Variants in SLCO3A1 observed in about 807,000 individuals in gnomAD.
SLCO3A1 encodes the protein solute carrier organic anion transporter family member 3A1, also known as PGE1 transporter.
Under a neutral mutation model 63.1 loss-of-function variants are expected in SLCO3A1, and 27 were observed. The ratio of observed to expected loss-of-function variants is 0.43; its 90% CI spans 0.32 to 0.59. The LOEUF (loss-of-function observed/expected upper bound fraction) is 0.59, where lower values mean the gene tolerates loss of function less well. Ranked by LOEUF, SLCO3A1 falls within the 20% of genes least tolerant of loss-of-function variation. The pLI is 0.09. For missense variants in SLCO3A1, 773 were observed against 945.8 expected (o/e 0.82, Z 2.40); for synonymous variants, 473 against 409.9 (o/e 1.15, Z -1.86).
intron 2 of SLCO3A1, among the ~76,000 whole-genome samples, chr15:92,013,615 C>T (rs1027183292): frequency 6.6e-6 from 1 of 152,230 alleles, no homozygotes; most frequent in Non-Finnish European, 1.5e-5. Context: ...AAGAGACAAA[C>T]AGGCATTCTT....
At chr15:92,083,702 A>C (rs2047373373) in intron 2 of SLCO3A1, among the ~76,000 whole-genome samples, 2 of 152,182 alleles carry the variant, frequency 1.3e-5, no homozygotes, top group South Asian at 4.2e-4. Context: ...ACGAGAAGGG[A>C]AGATCTAAAT....
chr15:92,027,605 G>A (rs1004045208), intron 2 of SLCO3A1, among the ~76,000 whole-genome samples: 5 of 152,170 alleles, frequency 3.3e-5, no homozygotes, highest in African/African-American at 7.2e-5. Context: ...GTTTGCTCCC[G>A]ACGCATGCAT....
At chr15:92,016,254 T>TAGATAGATTAGA in intron 2 of SLCO3A1, among the ~76,000 whole-genome samples, 4,455 of 95,246 alleles carry the variant, frequency 0.047, 89 homozygotes, top group Non-Finnish European at 0.057. Context: ...GATAGATAGA[T>TAGATAGATTAGA]TAGATAGATA....
chr15:92,145,681 T>G (rs12441878), intron 7 of SLCO3A1, among the ~76,000 whole-genome samples: 11,319 of 152,202 alleles, frequency 0.074, 622 homozygotes, highest in Admixed American at 0.19. Flanking sequence ...CAGAGGTACA[T>G]GAGAAGGAAC....
intron 9 of SLCO3A1, among the ~76,000 whole-genome samples, chr15:92,152,107 G>A (rs1287005160): frequency 6.6e-6 from 1 of 152,212 alleles, no homozygotes; most frequent in Non-Finnish European, 1.5e-5. Flanking sequence ...TTTATCAGAA[G>A]AGTATCAGCT....
intron 1 of SLCO3A1, among the ~76,000 whole-genome samples, chr15:91,867,395 T>A (rs1342801666): frequency 6.6e-6 from 1 of 152,122 alleles, no homozygotes; most frequent in Non-Finnish European, 1.5e-5. Context: ...AAATATAGGG[T>A]CCTGGGCCTG....
At chr15:92,149,210 C>G (rs1378025217) in intron 8 of SLCO3A1, 2 of 152,278 alleles carry the variant, frequency 1.3e-5, no homozygotes, top group African/African-American at 4.8e-5. Flanking sequence ...ATAAACAGCT[C>G]TTGGAGCTTT....
chr15:91,891,140 G>GAA (rs72116786), intron 1 of SLCO3A1, among the ~76,000 whole-genome samples: 29 of 141,956 alleles, frequency 2.0e-4, no homozygotes, highest in South Asian at 1.3e-3. Context: ...TGGCATTTTG[G>GAA]AAAAAAAAAA....
At chr15:92,065,640 C>G (rs1256786027) in intron 2 of SLCO3A1, among the ~76,000 whole-genome samples, 1 of 152,114 alleles carries the variant, frequency 6.6e-6, no homozygotes, top group East Asian at 1.9e-4. Flanking sequence ...CTATTTCCTG[C>G]AGTAATTAAG....
At chr15:92,098,333 T>A (rs1359436602) in intron 3 of SLCO3A1, 1 of 152,330 alleles carries the variant, frequency 6.6e-6, no homozygotes, top group East Asian at 1.9e-4. Context: ...TGGCTCCACT[T>A]GGACATGGGC....
At chr15:92,051,446 G>A (rs779621937) in intron 2 of SLCO3A1, among the ~76,000 whole-genome samples, 2 of 152,274 alleles carry the variant, frequency 1.3e-5, no homozygotes, top group African/African-American at 2.4e-5. Context: ...CAGTGCACAG[G>A]GAGGGATTCA....
At chr15:92,022,040 G>A (rs2046515840) in intron 2 of SLCO3A1, among the ~76,000 whole-genome samples, 1 of 152,058 alleles carries the variant, frequency 6.6e-6, no homozygotes, top group South Asian at 2.1e-4. Context: ...AAGGTGTAGT[G>A]ATGAGGCAGG....
intron 2 of SLCO3A1, among the ~76,000 whole-genome samples, chr15:92,003,039 C>T (rs186350575): frequency 2.0e-3 from 304 of 152,264 alleles, no homozygotes; most frequent in African/African-American, 7.1e-3. Flanking sequence ...TCACTCTTCC[C>T]TGCATTAAAA....
rs56292826 is a variant in SLCO3A1 at position 91,900,636 on chromosome 15, A to C, written c.181-15357A>C. On this transcript the variant is annotated intron_variant, in intron 1 of 9. Transcript: ENST00000318445. The surrounding 1 kb of genome is among the most constrained non-coding windows in gnomAD (Gnocchi z 4.3). ...GAGCCACCGTGCCTGGCCTGTTTGT[A>C]TTTTTCATTATACACATTCTACTGG... Among the ~76,000 whole-genome samples, 10,031 of 152,028 alleles carry C rather than the reference A, an allele frequency of 0.066. 465 individuals carry two copies. Among genetic ancestry groups the C allele is most frequent in the Non-Finnish European group, 0.1 (6,802 of 67,970 alleles).
In SLCO3A1 at chr15:92,053,691, TG is replaced by T. The variant is rs761239105; in HGVS notation, c.647-41189del. Among the ~76,000 whole-genome samples, 633 of 87,912 alleles carry T rather than the reference TG, an allele frequency of 7.2e-3. 4 individuals are homozygous for T. Among genetic ancestry groups the T allele is most frequent in the African/African-American group, 0.024 (578 of 24,140 alleles). 57.7% of individuals were successfully genotyped at this position (87,912 alleles called of 152,430 possible). A position where few individuals can be genotyped will look rare whatever the true frequency, so the allele number is the denominator to read the frequency against. On this transcript the variant is annotated intron_variant, in intron 2 of 9. Coordinates refer to ENST00000318445, the MANE Select transcript of SLCO3A1 (RefSeq NM_013272.4). Reference sequence around the variant, plus strand: ...TTTATGTTTTGTTTTTTTGTTTGTTTGTTTGTTTTTTTTTTTTTTACTTCTC... The same window carrying T: ...TTTATGTTTTGTTTTTTTGTTTGTTTTTTGTTTTTTTTTTTTTTACTTCTC...
chr15:91,878,863 C>T (rs934881648), intron 1 of SLCO3A1, among the ~76,000 whole-genome samples: 1 of 152,146 alleles, frequency 6.6e-6, no homozygotes, highest in African/African-American at 2.4e-5. Context: ...TAATTTTTTT[C>T]TTACACTTAG....
chr15:92,131,189 G>A (rs571260145), intron 7 of SLCO3A1, among the ~76,000 whole-genome samples: 38 of 152,006 alleles, frequency 2.5e-4, no homozygotes, highest in Admixed American at 2.6e-4. Flanking sequence ...GTCCAATGTC[G>A]AGTACACATG....
At position 91,938,473 on chromosome 15, in the gene SLCO3A1, G is replaced by T. The variant is rs557888435; in HGVS notation, c.646+22015G>T. On this transcript the variant is annotated intron_variant, in intron 2 of 9. Transcript: ENST00000318445. Reference sequence around the variant, plus strand: ...GCAACTTGGAATACTCTAAACATTGGTTTTTTTTGTTTTTTTTTTTTTTTG... The same window carrying T: ...GCAACTTGGAATACTCTAAACATTGTTTTTTTTTGTTTTTTTTTTTTTTTG... Among the ~76,000 whole-genome samples, 338 of 126,818 alleles carry T rather than the reference G, an allele frequency of 2.7e-3. 2 individuals carry two copies. The highest frequency in any genetic ancestry group is 9.6e-3 in the African/African-American group (283 of 29,522). The allele number at this position is 126,818 out of a possible 152,430, so 83.2% of individuals were successfully genotyped here. A position where few individuals can be genotyped will look rare whatever the true frequency, so the allele number is the denominator to read the frequency against.
Position 91,883,309 on chromosome 15 carries a change from A to G in SLCO3A1, c.180+29221A>G, listed in dbSNP as rs192977629. ...AGAAACTTGGCACCGGGACCCTAGA[A>G]TCCCCTCTTTCTGGTTTGCTTTTTC... On this transcript the variant is annotated intron_variant, in intron 1 of 9. Transcript: ENST00000318445. This position sits in a 1 kb window ranked among gnomAD's most constrained non-coding sequence, Gnocchi z 4.8. Among the ~76,000 whole-genome samples, 23 of 152,214 alleles carry G rather than the reference A, an allele frequency of 1.5e-4. No individual in the cohort carries two copies. Among genetic ancestry groups the G allele is most frequent in the African/African-American group, 5.5e-4 (23 of 41,524 alleles).
Sources: allele counts gnomAD v4.1 joint callset (sites outside exome capture counted in the v4.1 genomes callset), GRCh38; gene constraint gnomAD v4.1.1; non-coding constraint Gnocchi (gnomAD v3.1); transcripts MANE v1.5; gene names NCBI Gene and HGNC (gene_info 2026-07-23, HGNC 2026-07-21).